Variants in FAM177A1 observed in about 807,000 individuals in gnomAD.
FAM177A1 encodes protein FAM177A1.
A neutral mutation model predicts 26.1 loss-of-function variants in FAM177A1; 22 were observed. That is an observed-to-expected ratio of 0.84 (90% confidence interval 0.60 to 1.20). The LOEUF is 1.20. Among genes scored for constraint, FAM177A1 ranks in the 50% most tolerant of loss-of-function variants. FAM177A1 has a pLI of 0.00. For synonymous variants in FAM177A1, 95 were observed against 99.3 expected (o/e 0.96, Z 0.26); for missense variants, 296 against 291.1 (o/e 1.02, Z -0.12).
chr14:35,056,889 T>C (rs2045070528), intron 2 of FAM177A1, among the ~76,000 whole-genome samples: 1 of 152,194 alleles, frequency 6.6e-6, no homozygotes, highest in Admixed American at 6.6e-5. Context: ...CTTTTTATTT[T>C]TCATAAGGTT....
At chr14:35,068,613 T>C (rs1015143769) in intron 2 of FAM177A1, among the ~76,000 whole-genome samples, 6 of 152,240 alleles carry the variant, frequency 3.9e-5, no homozygotes, top group African/African-American at 1.4e-4. Context: ...AGGCCACAGC[T>C]ACTATTGGGA....
chr14:35,066,568 C>A (rs1398887550), intron 2 of FAM177A1, among the ~76,000 whole-genome samples: 2 of 151,588 alleles, frequency 1.3e-5, no homozygotes, highest in Non-Finnish European at 2.9e-5. Flanking sequence ...CCACTCCTGG[C>A]TAATTTTTGT....
At chr14:35,052,270 A>G (rs2044984229) in intron 1 of FAM177A1, among the ~76,000 whole-genome samples, 1 of 149,602 alleles carries the variant, frequency 6.7e-6, no homozygotes, top group South Asian at 2.1e-4. Flanking sequence ...TCCGAGATGG[A>G]GTCTTGCTCT....
chr14:35,046,239 C>T, upstream of FAM177A1: 1 of 420,950 alleles, frequency 2.4e-6, no homozygotes, highest in Non-Finnish European at 4.1e-6. Flanking sequence ...CCCGCCCCGC[C>T]CCGCCCCGCG....
intron 2 of FAM177A1, among the ~76,000 whole-genome samples, chr14:35,056,469 C>T (rs893145720): frequency 6.6e-5 from 10 of 152,178 alleles, no homozygotes; most frequent in Admixed American, 3.9e-4. Flanking sequence ...AATTCTCCTG[C>T]TTCAGCCTCC....
intron 2 of FAM177A1, among the ~76,000 whole-genome samples, chr14:35,065,922 C>T (rs2045234453): frequency 6.6e-6 from 1 of 151,926 alleles, no homozygotes; most frequent in Non-Finnish European, 1.5e-5. Context: ...CAGGAGTTGG[C>T]CAGACTCCTG....
At chr14:35,064,959 G>A (rs911635896) in intron 2 of FAM177A1, among the ~76,000 whole-genome samples, 17 of 152,116 alleles carry the variant, frequency 1.1e-4, no homozygotes, top group Non-Finnish European at 7.4e-5. Flanking sequence ...GTGAGCCACC[G>A]AGCCGGGCCT....
intron 2 of FAM177A1, among the ~76,000 whole-genome samples, chr14:35,074,329 T>C (rs1188991184): frequency 1.3e-5 from 2 of 151,746 alleles, no homozygotes; most frequent in South Asian, 2.1e-4. Context: ...TATTTTTATT[T>C]ATTTTATTTA....
At chr14:35,056,742 A>C (rs1307146458) in intron 2 of FAM177A1, among the ~76,000 whole-genome samples, 1 of 152,160 alleles carries the variant, frequency 6.6e-6, no homozygotes, top group African/African-American at 2.4e-5. Flanking sequence ...TTACTAATTC[A>C]GTCTCTTTAC....
intron 2 of FAM177A1, among the ~76,000 whole-genome samples, chr14:35,058,074 CATT>C (rs2045090264): frequency 6.6e-6 from 1 of 151,348 alleles, no homozygotes; most frequent in Non-Finnish European, 1.5e-5. Context: ...TTATTATTAT[CATT>C]ATTATTATTT....
intron 1 of FAM177A1, among the ~76,000 whole-genome samples, chr14:35,052,655 T>G (rs1315841397): frequency 6.6e-6 from 1 of 152,092 alleles, no homozygotes; most frequent in African/African-American, 2.4e-5. Flanking sequence ...TCAGGCACAG[T>G]GACGTATGCC....
chr14:35,070,246 G>T (rs573558994), intron 2 of FAM177A1, among the ~76,000 whole-genome samples: 1 of 149,324 alleles, frequency 6.7e-6, no homozygotes, highest in African/African-American at 2.5e-5. Flanking sequence ...GGATGATCTC[G>T]ATCTCCTGAC....
intron 2 of FAM177A1, among the ~76,000 whole-genome samples, chr14:35,067,680 C>A (rs1417164505): frequency 6.6e-6 from 1 of 152,168 alleles, no homozygotes; most frequent in Non-Finnish European, 1.5e-5. Flanking sequence ...TACATCCTTG[C>A]CAACATTTGT....
intron 1 of FAM177A1, chr14:35,046,908 GA>G: frequency 8.1e-7 from 1 of 1,239,472 alleles, no homozygotes; most frequent in Non-Finnish European, 1.0e-6. Context: ...AGAGGAAGAA[GA>G]AAGGCGTGTC....
chr14:35,061,896 G>A (rs1167347683), intron 2 of FAM177A1, among the ~76,000 whole-genome samples: 1 of 152,094 alleles, frequency 6.6e-6, no homozygotes, highest in Non-Finnish European at 1.5e-5. Flanking sequence ...TCAAGGTAGA[G>A]CCTCCATTCT....
In FAM177A1 at chr14:35,081,137, C is replaced by T. The variant is rs926530030; in HGVS notation, c.620C>T (p.Ser207Phe). ...VQTDQPETVI[S>F]SSFVNVNFEM... ...ACAGATCAACCAGAGACAGTGATAT[C>T]CAGCTCATTTGTGAATGTCAATTTT... The change falls in exon 5 of 5, where the codon TCC becomes TTC. Residue 207 changes from serine (S) to phenylalanine (F), a missense_variant. By Grantham distance (155) the Ser-to-Phe change is radical. Transcript: ENST00000280987. 6.2e-7 allele frequency: 1 copy of T among 1,613,386 alleles called. No homozygotes were observed. The highest frequency in any genetic ancestry group is 1.7e-5 in the Admixed American group (1 of 59,914).
At chr14:35,065,783 C>A (rs544950067) in intron 2 of FAM177A1, among the ~76,000 whole-genome samples, 15 of 151,586 alleles carry the variant, frequency 9.9e-5, no homozygotes, top group African/African-American at 3.6e-4. Context: ...CCTCCACCTC[C>A]CAGGGTCAAA....
intron 2 of FAM177A1, among the ~76,000 whole-genome samples, chr14:35,076,035 G>A (rs746203120): frequency 2.0e-5 from 3 of 152,160 alleles, no homozygotes; most frequent in Non-Finnish European, 2.9e-5. Context: ...ACAGTGTGGC[G>A]ATTCCTCAAG....
At chr14:35,055,490 GTGGCACAATCT>G (rs1481628545) in intron 2 of FAM177A1, among the ~76,000 whole-genome samples, 1 of 149,440 alleles carries the variant, frequency 6.7e-6, no homozygotes, top group Non-Finnish European at 1.5e-5. Context: ...CTGGAGTTCA[GTGGCACAATCT>G]TGGCTCACTG....
Sources: gnomAD v4.1 joint callset for allele counts (sites outside exome capture counted in the v4.1 genomes callset) on GRCh38, gnomAD v4.1.1 for gene constraint, MANE v1.5 for transcripts, NCBI Gene and HGNC (gene_info 2026-07-23, HGNC 2026-07-21) for gene names.